Variants in STXBP5L observed in about 807,000 individuals in gnomAD.
STXBP5L encodes syntaxin-binding protein 5-like.
STXBP5L carries 65 observed loss-of-function variants against 144.5 expected under a neutral mutation model. The observed-to-expected ratio is 0.45, with a 90% CI of 0.37 to 0.55. The LOEUF is 0.55. Among genes scored for constraint, STXBP5L ranks in the 20% least tolerant of loss-of-function variants. The pLI is 0.00. For missense variants in STXBP5L, 1,298 were observed against 1,405.5 expected, an observed-to-expected ratio of 0.92 and a Z score of 1.22; for synonymous variants, 505 against 469.6, an observed-to-expected ratio of 1.08 and a Z score of -0.97.
At chr3:121,014,774 T>C (rs1945026387) in intron 3 of STXBP5L, among the ~76,000 whole-genome samples, 1 of 152,082 alleles carries the variant, frequency 6.6e-6, no homozygotes, top group Non-Finnish European at 1.5e-5. Context: ...ATATTGATTA[T>C]GTAAAAATCT....
chr3:121,349,374 C>T (rs1418342539), intron 20 of STXBP5L, among the ~76,000 whole-genome samples: 3 of 151,574 alleles, frequency 2.0e-5, no homozygotes, highest in African/African-American at 7.3e-5. Flanking sequence ...TGCTTTACTT[C>T]CAACTATGTG....
At chr3:121,271,394 G>A (rs1330198229) in intron 18 of STXBP5L, among the ~76,000 whole-genome samples, 1 of 152,018 alleles carries the variant, frequency 6.6e-6, no homozygotes, top group Non-Finnish European at 1.5e-5. Flanking sequence ...ACAATGTGAT[G>A]TTCAATATGT....
At chr3:121,074,394 G>A (rs777929779) in intron 5 of STXBP5L, among the ~76,000 whole-genome samples, 56 of 152,006 alleles carry the variant, frequency 3.7e-4, no homozygotes, top group Non-Finnish European at 5.3e-4. Flanking sequence ...CTTTAACACC[G>A]GTACCAATGG....
chr3:121,139,669 T>A (rs934084751), intron 7 of STXBP5L, among the ~76,000 whole-genome samples: 1 of 152,076 alleles, frequency 6.6e-6, no homozygotes, highest in Non-Finnish European at 1.5e-5. Flanking sequence ...ATTAACCTCA[T>A]CACCATCATT....
At chr3:121,337,430 C>T (rs1576209172) in intron 20 of STXBP5L, among the ~76,000 whole-genome samples, 1 of 71,278 alleles carries the variant, frequency 1.4e-5, no homozygotes, top group Admixed American at 1.6e-4. Flanking sequence ...CACTTTAAAG[C>T]AACAACAGTA....
At chr3:121,296,469 C>T (rs547293129) in intron 19 of STXBP5L, among the ~76,000 whole-genome samples, 1 of 152,122 alleles carries the variant, frequency 6.6e-6, no homozygotes, top group African/African-American at 2.4e-5. Flanking sequence ...CCTTAATCCC[C>T]ATGGTAGGAA....
At chr3:121,383,215 T>C (rs1053929116) in intron 22 of STXBP5L, among the ~76,000 whole-genome samples, 8 of 152,040 alleles carry the variant, frequency 5.3e-5, no homozygotes, top group African/African-American at 1.9e-4. Flanking sequence ...GGTAGGAGTA[T>C]TGCTTGAGCC....
chr3:121,279,781 A>C (rs1577356320), intron 18 of STXBP5L, 24 bp from the exon 19 acceptor site: 2 of 1,608,748 alleles, frequency 1.2e-6, no homozygotes. Context: ...GATACATTCT[A>C]GTTGTATTTT....
At chr3:121,007,714 A>T (rs1371717888) in intron 3 of STXBP5L, among the ~76,000 whole-genome samples, 1 of 152,010 alleles carries the variant, frequency 6.6e-6, no homozygotes, top group Non-Finnish European at 1.5e-5. Context: ...CAGTGGTTAG[A>T]GAAAGCCTTT....
chr3:121,177,179 A>T (rs1437407488), intron 9 of STXBP5L, among the ~76,000 whole-genome samples: 1 of 152,066 alleles, frequency 6.6e-6, no homozygotes, highest in Non-Finnish European at 1.5e-5. Flanking sequence ...AACAAAACAA[A>T]GACACTGTAA....
chr3:121,004,417 C>CTA (rs1453984908), intron 3 of STXBP5L, among the ~76,000 whole-genome samples: 1 of 152,000 alleles, frequency 6.6e-6, no homozygotes, highest in Non-Finnish European at 1.5e-5. Context: ...TGAGACTTTG[C>CTA]TGAAGTTGCC....
chr3:121,064,848 G>A (rs2041467195), intron 5 of STXBP5L, among the ~76,000 whole-genome samples: 1 of 152,168 alleles, frequency 6.6e-6, no homozygotes, highest in South Asian at 2.1e-4. Context: ...CCCAGGTGGT[G>A]AGCATAGTAC....
At chr3:121,352,016 G>T (rs1414003095) in intron 20 of STXBP5L, among the ~76,000 whole-genome samples, 1 of 152,046 alleles carries the variant, frequency 6.6e-6, no homozygotes, top group Non-Finnish European at 1.5e-5. Context: ...TTATTTCTGA[G>T]GGCTCTATTC....
intron 20 of STXBP5L, among the ~76,000 whole-genome samples, chr3:121,320,543 G>T (rs1220350304): frequency 6.6e-6 from 1 of 151,810 alleles, no homozygotes; most frequent in Non-Finnish European, 1.5e-5. Context: ...CTTGTTCCCA[G>T]TCTCATTGAT....
At chr3:121,332,502 A>G (rs1266931525) in intron 20 of STXBP5L, among the ~76,000 whole-genome samples, 2 of 151,902 alleles carry the variant, frequency 1.3e-5, no homozygotes, top group African/African-American at 4.8e-5. Context: ...GACTAGACCA[A>G]GTAGAAGAAA....
intron 3 of STXBP5L, among the ~76,000 whole-genome samples, chr3:120,989,493 G>A (rs182293502): frequency 1.3e-3 from 194 of 151,730 alleles, no homozygotes; most frequent in African/African-American, 4.5e-3. Context: ...TTTTTTTGCT[G>A]TTGTTGAGTT....
intron 3 of STXBP5L, among the ~76,000 whole-genome samples, chr3:121,003,621 C>T (rs1031195624): frequency 6.6e-6 from 1 of 152,160 alleles, no homozygotes; most frequent in African/African-American, 2.4e-5. Flanking sequence ...ACATGAAGTC[C>T]TTGCCCATGC....
intron 2 of STXBP5L, among the ~76,000 whole-genome samples, chr3:120,912,373 C>CA (rs1272094469): frequency 2.0e-5 from 3 of 151,566 alleles, no homozygotes; most frequent in Non-Finnish European, 4.4e-5. Flanking sequence ...TCTATTCAAA[C>CA]AAAAAAATGT....
At chr3:121,256,667 A>G (rs1480997111) in intron 16 of STXBP5L, among the ~76,000 whole-genome samples, 1 of 151,972 alleles carries the variant, frequency 6.6e-6, no homozygotes, top group East Asian at 1.9e-4. Flanking sequence ...TTTTATACTA[A>G]AAGGCTTTAA....
Sources: allele counts gnomAD v4.1 joint callset (sites outside exome capture counted in the v4.1 genomes callset), GRCh38; gene constraint gnomAD v4.1.1; transcripts MANE v1.5; gene names NCBI Gene and HGNC (gene_info 2026-07-23, HGNC 2026-07-21).